TRDN: variants seen among roughly 807,000 people sequenced by gnomAD.
TRDN encodes triadin in skeletal muscle.
In TRDN, 161 loss-of-function variants were observed where a neutral mutation model predicts 149.7. That is an observed-to-expected ratio of 1.08 (90% CI 0.95 to 1.23). The LOEUF is 1.23. Among genes scored for constraint, TRDN ranks in the 50% most tolerant of loss-of-function variants. The pLI, the probability that TRDN is intolerant of heterozygous loss-of-function variation, is 0.00. For missense variants in TRDN, 896 were observed against 823.5 expected (o/e 1.09, Z -1.08); for synonymous variants, 294 against 250.5 (o/e 1.17, Z -1.64).
At chr6:123,525,502 C>T (rs568519478) in intron 5 of TRDN, among the ~76,000 whole-genome samples, 1 of 151,972 alleles carries the variant, frequency 6.6e-6, no homozygotes, top group East Asian at 1.9e-4. Context: ...TACACATAGA[C>T]ATAAAGACGG....
At chr6:123,513,776 T>C (rs906546876) in intron 6 of TRDN, among the ~76,000 whole-genome samples, 1 of 152,116 alleles carries the variant, frequency 6.6e-6, no homozygotes, top group Non-Finnish European at 1.5e-5. Context: ...TTAGTGGTGA[T>C]TGGTGAGATT....
intron 24 of TRDN, among the ~76,000 whole-genome samples, chr6:123,312,995 G>C (rs1392126014): frequency 6.6e-6 from 1 of 151,946 alleles, no homozygotes; most frequent in East Asian, 1.9e-4. Flanking sequence ...CCTTAATGCT[G>C]ATTTATCTTT....
intron 21 of TRDN, chr6:123,351,356 A>C (rs1357910446): frequency 1.3e-4 from 129 of 979,272 alleles, no homozygotes; most frequent in Non-Finnish European, 1.6e-4. Flanking sequence ...TTAAAAAAAT[A>C]AATTTAGACT....
chr6:123,286,655 C>T (rs1046567312), intron 24 of TRDN, among the ~76,000 whole-genome samples: 4 of 151,860 alleles, frequency 2.6e-5, no homozygotes, highest in African/African-American at 7.3e-5. Flanking sequence ...AAATACCACC[C>T]GTTCCCCCAA....
intron 9 of TRDN, among the ~76,000 whole-genome samples, chr6:123,492,805 C>T (rs1392366545): frequency 4.6e-5 from 7 of 152,050 alleles, no homozygotes; most frequent in Non-Finnish European, 1.0e-4. Flanking sequence ...TCTGTCTTGA[C>T]CAGTTTTAAT....
At chr6:123,299,442 G>A (rs1778323720) in intron 24 of TRDN, among the ~76,000 whole-genome samples, 1 of 151,866 alleles carries the variant, frequency 6.6e-6, no homozygotes, top group African/African-American at 2.4e-5. Context: ...AGAAGAGATG[G>A]GTAGTTATTA....
At chr6:123,574,893 T>TATATATAC (rs1554259184) in intron 1 of TRDN, among the ~76,000 whole-genome samples, 11 of 93,972 alleles carry the variant, frequency 1.2e-4, no homozygotes, top group South Asian at 1.0e-3. Flanking sequence ...TATATATATA[T>TATATATAC]ACACACATTT....
At chr6:123,329,652 G>T (rs1057129727) in intron 23 of TRDN, among the ~76,000 whole-genome samples, 2 of 151,774 alleles carry the variant, frequency 1.3e-5, no homozygotes, top group East Asian at 1.9e-4. Context: ...CTGGTTGTTT[G>T]GAACAAAAAA....
intron 12 of TRDN, among the ~76,000 whole-genome samples, chr6:123,427,977 A>G (rs1774193231): frequency 1.3e-5 from 2 of 152,116 alleles, no homozygotes; most frequent in African/African-American, 2.4e-5. Context: ...CATAGATGAC[A>G]CTAAAATTTC....
At chr6:123,527,075 C>G (rs1168478142) in intron 5 of TRDN, among the ~76,000 whole-genome samples, 1 of 151,786 alleles carries the variant, frequency 6.6e-6, no homozygotes, top group Admixed American at 6.6e-5. Flanking sequence ...GGACACATAG[C>G]CAGAAGTTAC....
chr6:123,474,753 A>G (rs1777372477), intron 9 of TRDN, among the ~76,000 whole-genome samples: 1 of 152,076 alleles, frequency 6.6e-6, no homozygotes. Flanking sequence ...ATCAAACTAG[A>G]ACTCAGGATT....
chr6:123,415,106 T>A (rs1171537953), intron 12 of TRDN, among the ~76,000 whole-genome samples: 10 of 152,178 alleles, frequency 6.6e-5, no homozygotes, highest in Non-Finnish European at 1.5e-4. Context: ...TTTGCATACT[T>A]CTTGGTAATA....
chr6:123,450,489 A>G (rs1775704063), intron 10 of TRDN, among the ~76,000 whole-genome samples: 1 of 152,138 alleles, frequency 6.6e-6, no homozygotes, highest in Admixed American at 6.5e-5. Context: ...CAACAGCAGT[A>G]AAAAGAGACA....
chr6:123,352,511 A>G (rs780386965), intron 21 of TRDN, 28 bp downstream of exon 21: 163 of 1,607,804 alleles, frequency 1.0e-4, no homozygotes, highest in Non-Finnish European at 1.3e-4. Flanking sequence ...TAAAGAAGAT[A>G]ATGTCAACCT....
intron 1 of TRDN, among the ~76,000 whole-genome samples, chr6:123,598,610 C>G (rs939296999): frequency 2.6e-5 from 4 of 152,052 alleles, no homozygotes; most frequent in African/African-American, 9.7e-5. Context: ...TTGCTACCTA[C>G]TCCCTTTGCA....
At chr6:123,559,280 A>G (rs956817469) in intron 2 of TRDN, among the ~76,000 whole-genome samples, 1 of 152,136 alleles carries the variant, frequency 6.6e-6, no homozygotes, top group East Asian at 1.9e-4. Context: ...GTGGGTATTG[A>G]TGGCCAGGCT....
intron 10 of TRDN, among the ~76,000 whole-genome samples, chr6:123,455,688 C>G (rs974451251): frequency 6.6e-6 from 1 of 152,074 alleles, no homozygotes; most frequent in Non-Finnish European, 1.5e-5. Context: ...TCCTAAAAAA[C>G]TCTTTTAAAT....
In TRDN at chr6:123,591,249, A is replaced by AT. The variant is rs201569296; in HGVS notation, c.23-20118dup. On this transcript the variant is annotated intron_variant, in intron 1 of 40. Transcript: ENST00000334268. ...ATATTTGTTTTACCTGAACCCAAAT[A>AT]TTTTTTTTTCTTTGAGATGGAATTT... is the stretch of plus-strand genomic sequence containing the variant. Among the ~76,000 whole-genome samples, 514 of 151,508 alleles carry AT rather than the reference A, an allele frequency of 3.4e-3. 4 individuals are homozygous for AT. Among genetic ancestry groups the AT allele is most frequent in the Middle Eastern group, 0.01 (3 of 294 alleles).
intron 29 of TRDN, among the ~76,000 whole-genome samples, chr6:123,272,518 G>A (rs1440968631): frequency 6.6e-6 from 1 of 151,688 alleles, no homozygotes; most frequent in Non-Finnish European, 1.5e-5. Context: ...AGAAAGGGAA[G>A]GAAGGGTGAA....
Sources: allele counts gnomAD v4.1 joint callset (sites outside exome capture counted in the v4.1 genomes callset), GRCh38; gene constraint gnomAD v4.1.1; transcripts MANE v1.5; gene names NCBI Gene and HGNC (gene_info 2026-07-23, HGNC 2026-07-21).